Variants in SLC35F2 observed in about 807,000 individuals in gnomAD.
SLC35F2 encodes queuine/queuosine transporter SLC35F2.
Under a neutral mutation model 38.1 loss-of-function variants are expected in SLC35F2, and 25 were observed. The observed-to-expected ratio is 0.66, with a 90% CI of 0.48 to 0.92. The LOEUF (loss-of-function observed/expected upper bound fraction) is 0.92. Among genes scored for constraint, SLC35F2 ranks in the 40% least tolerant of loss-of-function variants. The pLI is 0.00. For synonymous variants in SLC35F2, 173 were observed against 181.7 expected (o/e 0.95, Z 0.38); for missense variants, 409 against 452.9 (o/e 0.90, Z 0.88).
chr11:107,843,844 C>CT (rs1860050645), intron 1 of SLC35F2, among the ~76,000 whole-genome samples: 1 of 57,878 alleles, frequency 1.7e-5, no homozygotes, highest in Non-Finnish European at 2.6e-5. Context: ...GACTCTGTAT[C>CT]TTAAAAAAAA....
intron 1 of SLC35F2, among the ~76,000 whole-genome samples, chr11:107,836,173 G>A (rs1377359614): frequency 1.3e-5 from 2 of 152,196 alleles, no homozygotes; most frequent in African/African-American, 4.8e-5. Context: ...GATTGTGGGT[G>A]AAAGTTGAGT....
At chr11:107,852,819 G>A (rs1444420686) in intron 1 of SLC35F2, among the ~76,000 whole-genome samples, 3 of 149,884 alleles carry the variant, frequency 2.0e-5, no homozygotes. Flanking sequence ...AGGCTACAGT[G>A]AGCTGAGATT....
chr11:107,838,881 G>C (rs1051545262), intron 1 of SLC35F2, among the ~76,000 whole-genome samples: 24 of 151,778 alleles, frequency 1.6e-4, no homozygotes, highest in African/African-American at 4.8e-4. Flanking sequence ...TGCCCATCTC[G>C]GCCTCCCAAA....
intron 7 of SLC35F2, among the ~76,000 whole-genome samples, chr11:107,796,570 A>G (rs1859219621): frequency 6.6e-6 from 1 of 152,246 alleles, no homozygotes; most frequent in Admixed American, 6.5e-5. Context: ...TGAGAGCTTA[A>G]AAAGTCAATC....
rs1373057049 is a variant in SLC35F2 at position 107,803,011 on chromosome 11, A to T, written c.929T>A (p.Phe310Tyr). 6.2e-7 allele frequency: 1 copy of T among 1,610,234 alleles called. No individual in the cohort carries two copies. The highest frequency in any genetic ancestry group is 1.3e-5 in the African/African-American group (1 of 74,758). ...LYSLFVGLFLFGYKFSGLYIL... is the reference protein window; with the variant it reads ...LYSLFVGLFLYGYKFSGLYIL... ...GATCTATTTGTTTACCTTATAGCCAAACAGAAAGAGTCCAACAAAAAGGCT... is the reference window on the plus strand; with the variant it reads ...GATCTATTTGTTTACCTTATAGCCATACAGAAAGAGTCCAACAAAAAGGCT... Residue 310 changes from phenylalanine (F) to tyrosine (Y), a missense_variant, in exon 7 of 8, where the codon TTT becomes TAT. Physicochemically the swap from Phe to Tyr is conservative, Grantham distance 22. Transcript: ENST00000525815.
At position 107,810,186 on chromosome 11, in the gene SLC35F2, C is replaced by G. The variant is rs948058360; in HGVS notation, c.414+1481G>C. ...GGAGAAAACATTACCTTGTTAGATG[C>G]CTTTTTTATAATATATTCTTTGCTA... On this transcript the variant is annotated intron_variant, in intron 3 of 7. Coordinates refer to ENST00000525815, the MANE Select transcript of SLC35F2 (RefSeq NM_017515.5). 12 of 985,258 alleles carry G rather than the reference C, an allele frequency of 1.2e-5. No homozygotes were observed. In the African/African-American group the frequency reaches 1.2e-4, roughly 10 times the overall value. The allele number at this position is 985,258 out of a possible 1,614,324, so 61.0% of individuals were successfully genotyped here. A position where few individuals can be genotyped will look rare whatever the true frequency, so the allele number is the denominator to read the frequency against.
Position 107,792,594 on chromosome 11 carries a change from T to C in SLC35F2, c.*21A>G. The C allele has an allele frequency of 6.3e-7, 1 of 1,583,190 alleles. No individual in the cohort carries two copies. The highest frequency in any genetic ancestry group is 8.6e-7 in the Non-Finnish European group (1 of 1,166,104). On this transcript the variant is annotated 3_prime_UTR_variant, in exon 8 of 8. Transcript: ENST00000525815. Reference sequence around the variant, plus strand: ...GGCTCTGCTTTATCCTGGTGGGGGATGGGTGCGCCATCTTCTCCAGCTACA... The same window carrying C: ...GGCTCTGCTTTATCCTGGTGGGGGACGGGTGCGCCATCTTCTCCAGCTACA...
intron 7 of SLC35F2, among the ~76,000 whole-genome samples, chr11:107,797,661 T>C (rs1859241769): frequency 6.6e-6 from 1 of 152,250 alleles, no homozygotes; most frequent in Non-Finnish European, 1.5e-5. Context: ...CCAACAGCTT[T>C]AATGTGCTAA....
Position 107,792,550 on chromosome 11 carries a change from G to A in SLC35F2, c.*65C>T. On this transcript the variant is annotated 3_prime_UTR_variant, in exon 8 of 8. Coordinates refer to ENST00000525815, the MANE Select transcript of SLC35F2 (RefSeq NM_017515.5). The stretch of plus-strand genomic sequence containing the variant: ...TTCTGAGTCTGCTATTTCCCCAAGT[G>A]TCCCCTCAGCAGGCAGCAGGCTCTG... 3 of 1,510,714 alleles carry A rather than the reference G, an allele frequency of 2.0e-6. No individual in the cohort carries two copies. Among genetic ancestry groups the A allele is most frequent in the South Asian group, 1.4e-5 (1 of 73,700 alleles). The allele number at this position is 1,510,714 out of a possible 1,614,324, so 93.6% of individuals were successfully genotyped here.
chr11:107,850,072 C>T (rs1175705377), intron 1 of SLC35F2, among the ~76,000 whole-genome samples: 1 of 152,202 alleles, frequency 6.6e-6, no homozygotes. Flanking sequence ...TCTTTCAGAG[C>T]AGCTGATAGG....
intron 1 of SLC35F2, among the ~76,000 whole-genome samples, chr11:107,827,024 T>C (rs1859762998): frequency 6.6e-6 from 1 of 152,152 alleles, no homozygotes; most frequent in Non-Finnish European, 1.5e-5. Context: ...TATTGATATA[T>C]GAATATCGTA....
chr11:107,838,827 C>T (rs1050211661), intron 1 of SLC35F2, among the ~76,000 whole-genome samples: 3 of 151,224 alleles, frequency 2.0e-5, no homozygotes, highest in African/African-American at 7.3e-5. Context: ...TGAGGTTTCG[C>T]CATATTGCCC....
At chr11:107,814,068 A>G (rs1859523938) in intron 2 of SLC35F2, among the ~76,000 whole-genome samples, 1 of 152,216 alleles carries the variant, frequency 6.6e-6, no homozygotes, top group African/African-American at 2.4e-5. Context: ...TGGATTCACT[A>G]ACCTTTGCAA....
chr11:107,834,848 AGTT>A (rs1407942799), intron 1 of SLC35F2, among the ~76,000 whole-genome samples: 1 of 152,176 alleles, frequency 6.6e-6, no homozygotes, highest in East Asian at 1.9e-4. Context: ...CTACAGATTC[AGTT>A]ATTATGGAAT....
intron 4 of SLC35F2, 142 bp from the exon 5 acceptor site, chr11:107,805,657 A>C: frequency 7.0e-7 from 1 of 1,435,796 alleles, no homozygotes; most frequent in Non-Finnish European, 9.1e-7. Context: ...TATGTGTGAG[A>C]GTGTGTGTGT....
chr11:107,851,565 C>A (rs1207296041), intron 1 of SLC35F2, among the ~76,000 whole-genome samples: 1 of 144,132 alleles, frequency 6.9e-6, no homozygotes, highest in Non-Finnish European at 1.5e-5. Context: ...ACATATAATG[C>A]AGAGTGGAAA....
At chr11:107,803,469 C>T (rs562592) in intron 6 of SLC35F2, 592,916 of 981,792 alleles carry the variant, frequency 0.6, 179,932 homozygotes, top group African/African-American at 0.7. Context: ...GCCAGGACAG[C>T]GATGCCTGTG....
intron 1 of SLC35F2, among the ~76,000 whole-genome samples, chr11:107,848,813 T>C (rs1015248021): frequency 1.3e-5 from 2 of 152,194 alleles, no homozygotes; most frequent in Non-Finnish European, 2.9e-5. Context: ...CCCCTACTTG[T>C]TTCCCATGGT....
At chr11:107,793,006 T>G (rs1859157575) in intron 7 of SLC35F2, 1 of 749,546 alleles carries the variant, frequency 1.3e-6, no homozygotes, top group African/African-American at 1.9e-5. Flanking sequence ...AACCTCCACC[T>G]CCCAGGCTCC....
Sources: gnomAD v4.1 joint callset for allele counts (sites outside exome capture counted in the v4.1 genomes callset) on GRCh38, gnomAD v4.1.1 for gene constraint, MANE v1.5 for transcripts, NCBI Gene and HGNC (gene_info 2026-07-23, HGNC 2026-07-21) for gene names.